Variants in EPM2A observed in about 807,000 individuals in gnomAD.
EPM2A encodes the protein laforin.
A neutral mutation model predicts 26.5 loss-of-function variants in EPM2A; 21 were observed. That is an observed-to-expected ratio of 0.79 (90% CI 0.56 to 1.14). The LOEUF is 1.14. Ranked by LOEUF, EPM2A falls within the 50% of genes most tolerant of loss-of-function variation. EPM2A has a pLI of 0.00. For synonymous variants in EPM2A, 217 were observed against 177.6 expected, an observed-to-expected ratio of 1.22 and a Z score of -1.76; for missense variants, 458 against 440.8, an observed-to-expected ratio of 1.04 and a Z score of -0.35.
intron 4 of EPM2A, among the ~76,000 whole-genome samples, chr6:145,446,119 T>G (rs939091271): frequency 5.3e-5 from 8 of 152,196 alleles, no homozygotes; most frequent in Non-Finnish European, 8.8e-5. Flanking sequence ...TAAGCCACCT[T>G]GGATGTACAG....
chr6:145,597,357 C>T (rs1470718011), intron 2 of EPM2A, among the ~76,000 whole-genome samples: 3 of 152,124 alleles, frequency 2.0e-5, no homozygotes, highest in Non-Finnish European at 2.9e-5. Context: ...GTCAATTTGG[C>T]TAAGCCTATA....
chr6:145,400,509 G>A (rs1856259), intron 4 of EPM2A, among the ~76,000 whole-genome samples: 56,934 of 151,888 alleles, frequency 0.37, 10,954 homozygotes, highest in South Asian at 0.46. Context: ...TTGTGGTTTC[G>A]GCACAACAGC....
chr6:145,666,090 T>C (rs1409023474), intron 2 of EPM2A, among the ~76,000 whole-genome samples: 2 of 146,470 alleles, frequency 1.4e-5, no homozygotes, highest in African/African-American at 5.2e-5. Context: ...AAGCATTCCC[T>C]TTGAAAACTG....
At chr6:145,490,035 C>A in intron 4 of EPM2A, 2 of 1,333,552 alleles carry the variant, frequency 1.5e-6, no homozygotes, top group Non-Finnish European at 2.1e-6. Context: ...TGTGCTGAAT[C>A]CACAGTCACT....
intron 2 of EPM2A, chr6:145,638,708 T>C (rs1776870499): frequency 6.6e-6 from 1 of 152,126 alleles, no homozygotes; most frequent in South Asian, 2.1e-4. Flanking sequence ...TAAAGTGATT[T>C]GTACTGAATC....
intron 2 of EPM2A, among the ~76,000 whole-genome samples, chr6:145,672,943 T>C (rs12111476): frequency 0.067 from 10,154 of 152,226 alleles, 1,140 homozygotes; most frequent in African/African-American, 0.23. Context: ...CCCATCTATA[T>C]ACTCAGAGCC....
intron 4 of EPM2A, among the ~76,000 whole-genome samples, chr6:145,402,380 C>G (rs1160959024): frequency 6.6e-6 from 1 of 152,032 alleles, no homozygotes; most frequent in East Asian, 1.9e-4. Flanking sequence ...TGTGAAATGT[C>G]CTGAAAAAGA....
At chr6:145,676,287 G>A (rs1021918790) in intron 2 of EPM2A, among the ~76,000 whole-genome samples, 3 of 152,056 alleles carry the variant, frequency 2.0e-5, no homozygotes, top group Non-Finnish European at 4.4e-5. Flanking sequence ...GTGTGTAGAG[G>A]GAAATTTATA....
At chr6:145,683,550 GCA>G (rs1374805394) in intron 2 of EPM2A, among the ~76,000 whole-genome samples, 3 of 152,018 alleles carry the variant, frequency 2.0e-5, no homozygotes, top group African/African-American at 7.2e-5. Flanking sequence ...ACGCTTTCTT[GCA>G]CAGTTGAGTA....
At chr6:145,561,432 T>A (rs888713805) in intron 2 of EPM2A, among the ~76,000 whole-genome samples, 26 of 152,178 alleles carry the variant, frequency 1.7e-4, no homozygotes, top group African/African-American at 5.8e-4. Flanking sequence ...TTCAGTTTTG[T>A]CTCCTGCCTT....
At chr6:145,544,050 G>C (rs757753031) in intron 2 of EPM2A, among the ~76,000 whole-genome samples, 2 of 152,202 alleles carry the variant, frequency 1.3e-5, no homozygotes, top group Non-Finnish European at 2.9e-5. Context: ...CAGTCTCATG[G>C]TGACTGAGCT....
intron 2 of EPM2A, among the ~76,000 whole-genome samples, chr6:145,680,599 T>A (rs1780447637): frequency 6.6e-6 from 1 of 151,534 alleles, no homozygotes; most frequent in Non-Finnish European, 1.5e-5. Context: ...TGTCCATGTG[T>A]TCTCATTGTT....
At position 145,626,519 on chromosome 6, in the gene EPM2A, G is replaced by T; in HGVS notation, c.*897C>A. 1.0e-6 allele frequency: 1 copy of T among 985,638 alleles called. No homozygotes were observed. Among genetic ancestry groups the T allele is most frequent in the South Asian group, 4.7e-5 (1 of 21,266 alleles). 61.1% of individuals were successfully genotyped at this position (985,638 alleles called of 1,614,324 possible). A position where few individuals can be genotyped will look rare whatever the true frequency, so the allele number is the denominator to read the frequency against. On this transcript the variant is annotated 3_prime_UTR_variant, in exon 4 of 4. Transcript: ENST00000367519. ...TGATCAGAATACTATTCTATGTCTC[G>T]CTATAGAAACTCCTGCAGGCATATT...
At chr6:145,599,628 T>C (rs1033873672) in intron 2 of EPM2A, among the ~76,000 whole-genome samples, 5 of 152,004 alleles carry the variant, frequency 3.3e-5, no homozygotes, top group African/African-American at 1.2e-4. Flanking sequence ...GTTTTGGTCT[T>C]TTTCTTATAT....
At chr6:145,426,038 G>A (rs981666816) in intron 4 of EPM2A, among the ~76,000 whole-genome samples, 1 of 152,130 alleles carries the variant, frequency 6.6e-6, no homozygotes, top group Admixed American at 6.6e-5. Flanking sequence ...TTAAAATTAT[G>A]AATAAACTTT....
At chr6:145,612,304 G>A (rs760993083) in intron 2 of EPM2A, among the ~76,000 whole-genome samples, 1 of 152,036 alleles carries the variant, frequency 6.6e-6, no homozygotes, top group South Asian at 2.1e-4. Context: ...TTTAAAATAA[G>A]ACAGATAAAT....
chr6:145,577,285 A>T (rs1781044539), intron 2 of EPM2A, among the ~76,000 whole-genome samples: 2 of 151,836 alleles, frequency 1.3e-5, no homozygotes. Context: ...CCTAGAAGAA[A>T]CTCACTTCAC....
intron 3 of EPM2A, chr6:145,631,521 A>G (rs1244753021): frequency 5.3e-5 from 8 of 152,194 alleles, no homozygotes; most frequent in Non-Finnish European, 8.8e-5. Context: ...TAGATGCTCC[A>G]TACACACTCA....
At chr6:145,496,522 C>A (rs1293052848) in intron 4 of EPM2A, among the ~76,000 whole-genome samples, 1 of 152,068 alleles carries the variant, frequency 6.6e-6, no homozygotes, top group Non-Finnish European at 1.5e-5. Flanking sequence ...TTTGTTCATT[C>A]CTTTTCATTC....
Sources: allele counts gnomAD v4.1 joint callset (sites outside exome capture counted in the v4.1 genomes callset), GRCh38; gene constraint gnomAD v4.1.1; transcripts MANE v1.5; gene names NCBI Gene and HGNC (gene_info 2026-07-23, HGNC 2026-07-21).